Variants in HACL2 observed in about 807,000 individuals in gnomAD.
HACL2 encodes the protein 2-hydroxyacyl-CoA lyase 1 like.
chr19:15,122,824 G>A, the HACL2 span: 94 of 1,613,616 alleles, frequency 5.8e-5, no homozygotes, highest in East Asian at 7.4e-4. This position sits in a 1 kb window ranked among gnomAD's most constrained non-coding sequence, Gnocchi z 4.0. Context: ...CAGGGAGGAC[G>A]CTGAGTCCAT....
At chr19:15,115,157 TGGGATA>T in the HACL2 span, 1 of 1,438,854 alleles carries the variant, frequency 6.9e-7, no homozygotes, top group South Asian at 1.1e-5. Flanking sequence ...CTGGGCCTCA[TGGGATA>T]GGCCCAGGGC....
chr19:15,115,147 C>T, the HACL2 span: 1 of 1,348,550 alleles, frequency 7.4e-7, no homozygotes, highest in Non-Finnish European at 1.1e-6. Context: ...TGTGGAGTCA[C>T]TGGGCCTCAT....
At chr19:15,123,195 G>T in the HACL2 span, 1 of 1,613,988 alleles carries the variant, frequency 6.2e-7, no homozygotes, top group Non-Finnish European at 8.5e-7. The surrounding 1 kb of genome is among the most constrained non-coding windows in gnomAD (Gnocchi z 5.1). Flanking sequence ...CGCAGTCACC[G>T]TGTTGGTGAG....
the HACL2 span, chr19:15,122,937 G>A: frequency 6.2e-7 from 1 of 1,606,242 alleles, no homozygotes; most frequent in South Asian, 1.1e-5. This position sits in a 1 kb window ranked among gnomAD's most constrained non-coding sequence, Gnocchi z 4.0. Context: ...CTCAGGGTGG[G>A]CACAATGTCC....
the HACL2 span, among the ~76,000 whole-genome samples, chr19:15,121,045 G>T: frequency 6.6e-6 from 1 of 152,200 alleles, no homozygotes; most frequent in Non-Finnish European, 1.5e-5. Flanking sequence ...AGGGGGCAAA[G>T]TGCATTAAGA....
At chr19:15,122,621 ATGGG>A in the HACL2 span, 15 of 1,255,516 alleles carry the variant, frequency 1.2e-5, no homozygotes, top group South Asian at 1.8e-4. The surrounding 1 kb of genome is among the most constrained non-coding windows in gnomAD (Gnocchi z 4.0). Flanking sequence ...TCAAAGGAGG[ATGGG>A]TGTGGGCTGG....
chr19:15,125,193 G>T, the HACL2 span: 1 of 971,792 alleles, frequency 1.0e-6, no homozygotes, highest in Non-Finnish European at 1.5e-6. Context: ...GTGCGGCCAC[G>T]CCCCCAACCC....
the HACL2 span, chr19:15,120,151 A>G: frequency 9.7e-7 from 1 of 1,029,962 alleles, no homozygotes; most frequent in African/African-American, 1.6e-5. Flanking sequence ...GGATCTGAGC[A>G]AGGAAAGGGG....
the HACL2 span, chr19:15,123,517 A>G: frequency 6.2e-7 from 1 of 1,614,090 alleles, no homozygotes; most frequent in South Asian, 1.1e-5. This position sits in a 1 kb window ranked among gnomAD's most constrained non-coding sequence, Gnocchi z 5.1. Context: ...ACCGCACACC[A>G]TGGGCCCTCA....
the HACL2 span, chr19:15,119,486 C>G: frequency 6.2e-7 from 1 of 1,614,016 alleles, no homozygotes; most frequent in Non-Finnish European, 8.5e-7. Flanking sequence ...GCCTCTTGGC[C>G]CGGCTCAGGA....
the HACL2 span, chr19:15,115,720 G>T: frequency 6.3e-7 from 1 of 1,589,016 alleles, no homozygotes; most frequent in South Asian, 1.1e-5. Flanking sequence ...CCCATGGCTT[G>T]GCCAGCCAGA....
At chr19:15,123,135 G>GC in the HACL2 span, 1 of 1,613,874 alleles carries the variant, frequency 6.2e-7, no homozygotes, top group Non-Finnish European at 8.5e-7. This position sits in a 1 kb window ranked among gnomAD's most constrained non-coding sequence, Gnocchi z 5.1. Context: ...AGTGCTGGCA[G>GC]CCCCACCCAG....
At chr19:15,120,132 A>G in the HACL2 span, 2 of 1,170,768 alleles carry the variant, frequency 1.7e-6, no homozygotes, top group Non-Finnish European at 1.2e-6. Flanking sequence ...ACTAACTACA[A>G]GGATTCCAGG....
chr19:15,117,860 CG>C, the HACL2 span: 1 of 1,613,272 alleles, frequency 6.2e-7, no homozygotes, highest in Non-Finnish European at 8.5e-7. Flanking sequence ...CATATGTGTA[CG>C]GGGGGATTAA....
the HACL2 span, chr19:15,116,759 A>G: frequency 1.5e-4 from 78 of 522,438 alleles, no homozygotes; most frequent in East Asian, 2.6e-3. Flanking sequence ...TAAGGAGCAC[A>G]AGGCAGGTGA....
At chr19:15,116,092 T>A in the HACL2 span, 2 of 1,613,338 alleles carry the variant, frequency 1.2e-6, no homozygotes, top group East Asian at 4.5e-5. Context: ...CAAGAGCAGG[T>A]GGGTGTGAAG....
At chr19:15,116,176 C>A in the HACL2 span, 1 of 1,613,602 alleles carries the variant, frequency 6.2e-7, no homozygotes. Flanking sequence ...CGCAGGGGGC[C>A]GCGGGGCTGT....
At chr19:15,116,062 C>A in the HACL2 span, 1 of 1,613,848 alleles carries the variant, frequency 6.2e-7, no homozygotes, top group East Asian at 2.2e-5. Flanking sequence ...TCCCAGAGTC[C>A]CAAAGGCCCC....
the HACL2 span, chr19:15,115,330 C>G: frequency 6.2e-7 from 1 of 1,614,162 alleles, no homozygotes. Context: ...CGTCTCGGCA[C>G]TGCTGCTGGG....
Sources: gnomAD v4.1 joint callset for allele counts (sites outside exome capture counted in the v4.1 genomes callset) on GRCh38, gnomAD v4.1.1 for gene constraint, Gnocchi (gnomAD v3.1) non-coding constraint, MANE v1.5 for transcripts, NCBI Gene and HGNC (gene_info 2026-07-23, HGNC 2026-07-21) for gene names.